DAB1: variants seen among roughly 807,000 people sequenced by gnomAD.
The protein encoded by DAB1 is disabled homolog 1.
In DAB1, 15 loss-of-function variants were observed where a neutral mutation model predicts 64.6. The observed-to-expected ratio is 0.23, with a 90% CI of 0.16 to 0.36. DAB1 has a LOEUF of 0.36. Ranked by LOEUF, DAB1 falls within the 10% of genes least tolerant of loss-of-function variation. The pLI is 1.00. For missense variants in DAB1, 596 were observed against 706.7 expected (o/e 0.84, Z 1.78); for synonymous variants, 235 against 251.9 (o/e 0.93, Z 0.64).
chr1:57,706,622 A>G (rs756868093), intron 6 of DAB1, among the ~76,000 whole-genome samples: 1 of 152,058 alleles, frequency 6.6e-6, no homozygotes, highest in Admixed American at 6.6e-5. Flanking sequence ...GACTACTCAC[A>G]TGTTTATCAA....
At chr1:57,154,352 G>C (rs6703985) in intron 2 of DAB1, among the ~76,000 whole-genome samples, 1 of 151,994 alleles carries the variant, frequency 6.6e-6, no homozygotes, top group African/African-American at 2.4e-5. Flanking sequence ...CCATCCATGT[G>C]GTTGCAAATG....
intron 6 of DAB1, among the ~76,000 whole-genome samples, chr1:57,688,228 C>A (rs1227626713): frequency 6.6e-6 from 1 of 151,916 alleles, no homozygotes; most frequent in Non-Finnish European, 1.5e-5. Flanking sequence ...AAAAGACAAT[C>A]TCCCCCTCCA....
rs71051245 is a variant in DAB1, at chr1:57,695,400, GA to G, written n.552-45736del. 6.6e-3 allele frequency among the ~76,000 whole-genome samples: 556 copies of G among 84,072 alleles called. 12 individuals carry two copies. Among genetic ancestry groups the G allele is most frequent in the East Asian group, 0.033 (56 of 1,692 alleles). The allele number at this position is 84,072 out of a possible 152,430, so 55.2% of individuals were successfully genotyped here. Reference sequence around the variant, plus strand: ...AGAAAGAAAGAAAGAAAGAAAGAAAGAAAGAAAGAAAGAAAGAAAGAAAGAA... The same window carrying G: ...AGAAAGAAAGAAAGAAAGAAAGAAAGAAGAAAGAAAGAAAGAAAGAAAGAA... On this transcript the variant is annotated intron_variant and non_coding_transcript_variant, in intron 6 of 20. Transcript: ENST00000485760.
intron 1 of DAB1, among the ~76,000 whole-genome samples, chr1:57,342,525 A>C (rs1400568785): frequency 6.6e-6 from 1 of 152,232 alleles, no homozygotes; most frequent in Non-Finnish European, 1.5e-5. Flanking sequence ...CTCCCTATCT[A>C]AGACAGGAAT....
intron 5 of DAB1, among the ~76,000 whole-genome samples, chr1:58,005,298 C>T (rs1402365499): frequency 6.6e-6 from 1 of 152,044 alleles, no homozygotes; most frequent in Non-Finnish European, 1.5e-5. Flanking sequence ...GGAGGCACTC[C>T]ACACAGGACA....
intron 3 of DAB1, among the ~76,000 whole-genome samples, chr1:58,348,051 T>C (rs527635050): frequency 6.6e-6 from 1 of 152,244 alleles, no homozygotes; most frequent in South Asian, 2.1e-4. Flanking sequence ...CTGGAAGAGG[T>C]AGTGGCTTCT....
chr1:58,049,480 A>C, intron 5 of DAB1: 1 of 226,284 alleles, frequency 4.4e-6, no homozygotes, highest in East Asian at 9.8e-5. Context: ...TGCAGAAGGA[A>C]TTGATTGTGT....
At chr1:57,413,318 G>A (rs1684252507) in intron 1 of DAB1, among the ~76,000 whole-genome samples, 1 of 152,144 alleles carries the variant, frequency 6.6e-6, no homozygotes, top group Non-Finnish European at 1.5e-5. Flanking sequence ...TGCAGCCCAT[G>A]GATCAAGGAG....
At chr1:58,519,072 C>T (rs1386540200) in intron 2 of DAB1, among the ~76,000 whole-genome samples, 1 of 152,090 alleles carries the variant, frequency 6.6e-6, no homozygotes, top group Non-Finnish European at 1.5e-5. Flanking sequence ...ATTGATTACC[C>T]CACACTGCAG....
Position 57,940,346 on chromosome 1 carries a change from G to A in DAB1, n.388-56184C>T, listed in dbSNP as rs548123356. The stretch of plus-strand genomic sequence containing the variant: ...GATACAGTTTTTGCTGATATTTGAT[G>A]CATTCGATTTGTGAGCAAACCACCT... On this transcript the variant is annotated intron_variant and non_coding_transcript_variant, in intron 5 of 20. Coordinates refer to the DAB1 transcript ENST00000485760. Among the ~76,000 whole-genome samples the A allele has an allele frequency of 2.0e-5, 3 of 152,282 alleles. No individual in the cohort carries two copies. In the South Asian group the frequency reaches 6.2e-4, roughly 32 times the overall value.
intron 6 of DAB1, among the ~76,000 whole-genome samples, chr1:57,687,467 A>G (rs1646711813): frequency 6.6e-6 from 1 of 152,106 alleles, no homozygotes; most frequent in Non-Finnish European, 1.5e-5. Context: ...ATACTGCCCA[A>G]AGTAATCTAC....
chr1:58,348,530 A>G (rs1254577965), intron 3 of DAB1, among the ~76,000 whole-genome samples: 1 of 152,226 alleles, frequency 6.6e-6, no homozygotes, highest in Non-Finnish European at 1.5e-5. Flanking sequence ...TAGTGATAGA[A>G]TAAAAAGAAA....
chr1:57,830,116 C>T (rs1008507994), intron 1 of DAB1, among the ~76,000 whole-genome samples: 2 of 152,052 alleles, frequency 1.3e-5, no homozygotes, highest in Non-Finnish European at 2.9e-5. Flanking sequence ...ATTAACTTGC[C>T]CAAGAATGTT....
intron 5 of DAB1, among the ~76,000 whole-genome samples, chr1:57,986,980 T>G (rs1329897624): frequency 2.6e-5 from 4 of 152,248 alleles, no homozygotes; most frequent in African/African-American, 9.6e-5. Context: ...AAATGAATTG[T>G]TCAAGGTCAC....
At position 58,093,714 on chromosome 1, in the gene DAB1, A is replaced by C. The variant is rs557294889; in HGVS notation, n.387+56797T>G. Among the ~76,000 whole-genome samples the C allele has an allele frequency of 9.5e-4, 144 of 152,178 alleles. 2 individuals carry two copies. The highest frequency in any genetic ancestry group is 3.2e-3 in the African/African-American group (133 of 41,528). ...TCAAAAGGGAAAAAAAAAAAAAAGAAAACTGGAGACAAAGTCCAAAGTCTA... is the reference window on the plus strand; with the variant it reads ...TCAAAAGGGAAAAAAAAAAAAAAGACAACTGGAGACAAAGTCCAAAGTCTA... On this transcript the variant is annotated intron_variant and non_coding_transcript_variant, in intron 5 of 20. Transcript: ENST00000485760.
At chr1:57,840,491 C>A (rs984057030) in intron 1 of DAB1, among the ~76,000 whole-genome samples, 2 of 151,928 alleles carry the variant, frequency 1.3e-5, no homozygotes, top group African/African-American at 4.8e-5. Context: ...ATATATCTAA[C>A]CAGGGTATTA....
At chr1:57,366,751 C>T (rs905643727) in intron 1 of DAB1, among the ~76,000 whole-genome samples, 5 of 152,064 alleles carry the variant, frequency 3.3e-5, no homozygotes, top group Non-Finnish European at 7.4e-5. Context: ...GAAACTGAGG[C>T]TCAAAATGAT....
chr1:57,022,762 T>C (rs1646661040), intron 11 of DAB1, among the ~76,000 whole-genome samples: 1 of 152,196 alleles, frequency 6.6e-6, no homozygotes, highest in Non-Finnish European at 1.5e-5. Context: ...AAATACATAG[T>C]TAAAGAAAAC....
intron 5 of DAB1, among the ~76,000 whole-genome samples, chr1:58,045,424 G>A (rs757171030): frequency 4.6e-5 from 7 of 152,164 alleles, no homozygotes; most frequent in Non-Finnish European, 5.9e-5. Context: ...CCCCAACTCC[G>A]CGAGCGGGGC....
Sources: gnomAD v4.1 joint callset for allele counts (sites outside exome capture counted in the v4.1 genomes callset) on GRCh38, gnomAD v4.1.1 for gene constraint, MANE v1.5 for transcripts, NCBI Gene and HGNC (gene_info 2026-07-23, HGNC 2026-07-21) for gene names.